The following IMMP2L variants were observed in gnomAD, a reference collection of about 807,000 sequenced individuals.
IMMP2L encodes inner mitochondrial membrane peptidase subunit 2, also known as mitochondrial inner membrane protease subunit 2.
In IMMP2L, 18 loss-of-function variants were observed where a neutral mutation model predicts 19.3. The ratio of observed to expected loss-of-function variants is 0.93; its 90% CI spans 0.64 to 1.38. IMMP2L has a LOEUF of 1.38. Among genes scored for constraint, IMMP2L ranks in the 40% most tolerant of loss-of-function variants. The pLI is 0.00. For missense variants in IMMP2L, 233 were observed against 218.2 expected (o/e 1.07, Z -0.43); for synonymous variants, 76 against 73.0 (o/e 1.04, Z -0.21).
chr7:111,079,367 T>G (rs1428058348), intron 3 of IMMP2L, among the ~76,000 whole-genome samples: 4 of 152,142 alleles, frequency 2.6e-5, no homozygotes, highest in African/African-American at 9.7e-5. Context: ...TCCACCCACC[T>G]CGGCCTCCCA....
chr7:110,679,444 T>C (rs996598910), intron 5 of IMMP2L, among the ~76,000 whole-genome samples: 11 of 152,148 alleles, frequency 7.2e-5, no homozygotes, highest in African/African-American at 2.7e-4. Context: ...GTCCCACATG[T>C]TATTTTTATG....
At chr7:111,445,331 C>G (rs1157198335) in intron 3 of IMMP2L, among the ~76,000 whole-genome samples, 1 of 151,936 alleles carries the variant, frequency 6.6e-6, no homozygotes, top group African/African-American at 2.4e-5. Context: ...CTCCCCAAGT[C>G]AGAAAACATC....
At chr7:111,066,804 T>C (rs893415148) in intron 3 of IMMP2L, among the ~76,000 whole-genome samples, 1 of 152,174 alleles carries the variant, frequency 6.6e-6, no homozygotes, top group Non-Finnish European at 1.5e-5. Context: ...CAATATGAAT[T>C]ACGGTAGGGC....
chr7:110,823,052 G>A (rs1054379261), intron 5 of IMMP2L, among the ~76,000 whole-genome samples: 1 of 152,024 alleles, frequency 6.6e-6, no homozygotes, highest in African/African-American at 2.4e-5. Flanking sequence ...AAATGGAAAT[G>A]CCAGTTTTAT....
intron 4 of IMMP2L, among the ~76,000 whole-genome samples, chr7:110,944,505 G>A (rs1275643498): frequency 6.6e-6 from 1 of 151,952 alleles, no homozygotes; most frequent in African/African-American, 2.4e-5. Context: ...GTAAAACAGA[G>A]AGAGACAGAG....
chr7:111,434,976 C>T (rs541856059), intron 3 of IMMP2L, among the ~76,000 whole-genome samples: 10 of 151,890 alleles, frequency 6.6e-5, no homozygotes, highest in Non-Finnish European at 8.8e-5. Flanking sequence ...CACAATCATA[C>T]ATTTCTCATA....
chr7:110,790,489 A>G (rs1346292612), intron 5 of IMMP2L, among the ~76,000 whole-genome samples: 1 of 151,768 alleles, frequency 6.6e-6, no homozygotes, highest in Non-Finnish European at 1.5e-5. Context: ...CAAACAAGAG[A>G]TCATGGTGGC....
chr7:111,339,470 C>T (rs1826795025), intron 3 of IMMP2L, among the ~76,000 whole-genome samples: 1 of 151,802 alleles, frequency 6.6e-6, no homozygotes, highest in African/African-American at 2.4e-5. Flanking sequence ...ATAGAACATA[C>T]ACCTTGACAT....
chr7:110,665,677 G>C (rs58706416), intron 5 of IMMP2L, among the ~76,000 whole-genome samples: 4,966 of 152,162 alleles, frequency 0.033, 173 homozygotes, highest in African/African-American at 0.083. Flanking sequence ...CTCATGACTA[G>C]AGTCAAGTTC....
intron 1 of IMMP2L, among the ~76,000 whole-genome samples, chr7:111,538,984 G>A (rs1848158275): frequency 1.3e-5 from 2 of 151,510 alleles, no homozygotes; most frequent in East Asian, 1.9e-4. Context: ...GCCAGGTGTG[G>A]TGGCGCATGC....
chr7:111,339,730 T>G lies in IMMP2L; in HGVS notation c.239+147508A>C, dbSNP rs551660447. On this transcript the variant is annotated intron_variant, in intron 3 of 5. Transcript: ENST00000405709. ...TCAGTCCTCTATCTCATTCAAAGAC[T>G]TCAACTCAACTTTTTATTCTGTACC... 1.1e-4 allele frequency among the ~76,000 whole-genome samples: 17 copies of G among 152,138 alleles called. No individual in the cohort carries two copies. In the South Asian group the frequency reaches 3.3e-3, roughly 30 times the overall value.
intron 3 of IMMP2L, among the ~76,000 whole-genome samples, chr7:110,990,092 G>T (rs1406820363): frequency 6.6e-6 from 1 of 152,018 alleles, no homozygotes; most frequent in Admixed American, 6.6e-5. Context: ...AGCAAATAAG[G>T]ATGTATAAAT....
intron 5 of IMMP2L, among the ~76,000 whole-genome samples, chr7:110,772,795 G>T (rs988079734): frequency 1.3e-5 from 2 of 152,138 alleles, no homozygotes; most frequent in Non-Finnish European, 2.9e-5. Flanking sequence ...TGGAGCACTG[G>T]ACAGAAAAGC....
Position 110,924,759 on chromosome 7 carries a change from A to G in IMMP2L, c.306-38064T>C, listed in dbSNP as rs1215563238. Among the ~76,000 whole-genome samples, 1 of 152,110 alleles carries G rather than the reference A, an allele frequency of 6.6e-6. No homozygotes were observed. The highest frequency in any genetic ancestry group is 2.4e-5 in the African/African-American group (1 of 41,428). On this transcript the variant is annotated intron_variant, in intron 4 of 5. Coordinates refer to ENST00000405709, the MANE Select transcript of IMMP2L (RefSeq NM_032549.4). The surrounding 1 kb of genome is among the most constrained non-coding windows in gnomAD (Gnocchi z 4.2). The stretch of plus-strand genomic sequence containing the variant: ...ACAGGAACAGCATTTCCCACCTTTT[A>G]TCCCATCTACGTGTTCTAGTTATTG...
chr7:111,123,786 A>T lies in IMMP2L; in HGVS notation c.240-160221T>A, dbSNP rs886088738. On this transcript the variant is annotated intron_variant, in intron 3 of 5. Transcript: ENST00000405709. The surrounding 1 kb of genome is among the most constrained non-coding windows in gnomAD (Gnocchi z 6.4). ...TTTTCAGACTCCCCAAGCTGGAATC[A>T]CTCATGCTGAACAGCAATGCTCTCA... 2 of 1,613,832 alleles carry T rather than the reference A, an allele frequency of 1.2e-6. No individual in the cohort carries two copies. Among genetic ancestry groups the T allele is most frequent in the Admixed American group, 3.3e-5 (2 of 59,944 alleles).
At chr7:111,078,978 C>A (rs1419362984) in intron 3 of IMMP2L, among the ~76,000 whole-genome samples, 4 of 152,020 alleles carry the variant, frequency 2.6e-5, no homozygotes, top group Admixed American at 2.6e-4. Context: ...GATCCACCTG[C>A]CTTGACCTCC....
chr7:111,415,680 T>C (rs73424098), intron 3 of IMMP2L, among the ~76,000 whole-genome samples: 3,480 of 151,826 alleles, frequency 0.023, 215 homozygotes, highest in African/African-American at 0.08. Context: ...AACTAGTATA[T>C]ATGACACAAC....
chr7:111,088,098 G>A (rs1040410587), intron 3 of IMMP2L, among the ~76,000 whole-genome samples: 1 of 151,974 alleles, frequency 6.6e-6, no homozygotes, highest in African/African-American at 2.4e-5. Flanking sequence ...ACATTCTACC[G>A]ACTGTCCAGG....
chr7:111,344,397 C>T (rs1227119760), intron 3 of IMMP2L, among the ~76,000 whole-genome samples: 1 of 152,124 alleles, frequency 6.6e-6, no homozygotes, highest in East Asian at 1.9e-4. Flanking sequence ...CAATGTAATA[C>T]CTCTTGAAAT....
Sources: gnomAD v4.1 joint callset for allele counts (sites outside exome capture counted in the v4.1 genomes callset) on GRCh38, gnomAD v4.1.1 for gene constraint, Gnocchi (gnomAD v3.1) non-coding constraint, MANE v1.5 for transcripts, NCBI Gene and HGNC (gene_info 2026-07-23, HGNC 2026-07-21) for gene names.